Variants in KIF13B observed in about 807,000 individuals in gnomAD.
The protein encoded by KIF13B is kinesin-like protein KIF13B.
A neutral mutation model predicts 222.0 loss-of-function variants in KIF13B; 127 were observed. The observed-to-expected ratio is 0.57, with a 90% CI of 0.50 to 0.66. KIF13B has a LOEUF of 0.66. Among genes scored for constraint, KIF13B ranks in the 30% least tolerant of loss-of-function variants. The pLI is 0.00. For synonymous variants in KIF13B, 976 were observed against 919.0 expected (o/e 1.06, Z -1.12); for missense variants, 2,173 against 2,379.0 (o/e 0.91, Z 1.80).
In KIF13B at chr8:29,124,062, T is replaced by C; in HGVS notation, c.3314A>G (p.Tyr1105Cys). The change falls in exon 27 of 40, where the codon TAC (tyrosine) becomes TGC (cysteine). Residue 1105 changes from tyrosine (Y) to cysteine (C), a missense_variant. This residue lies in a region of KIF13B where 1,480 missense variants were observed against 1,722.8 expected (regional missense o/e 0.86). Transcript: ENST00000524189. ...AAGCTTTTGCAATTGTTGATCCAAG[T>C]ACTCCTGACGTTTTGTTAATGCATT... ...WLNALTKRQE[Y>C]LDQQLQKLVS... 6.2e-7 allele frequency: 1 copy of C among 1,613,128 alleles called. No individual in the cohort carries two copies. Among genetic ancestry groups the C allele is most frequent in the Non-Finnish European group, 8.5e-7 (1 of 1,179,260 alleles).
At position 29,071,907 on chromosome 8, in the gene KIF13B, G is replaced by C; in HGVS notation, c.4931C>G (p.Ser1644Cys). Residue 1644 changes from serine (S) to cysteine (C), a missense_variant, in exon 39 of 40, where the codon TCC becomes TGC. This residue lies in a region of KIF13B where 693 missense variants were observed against 656.2 expected (regional missense o/e 1.06). Transcript: ENST00000524189. This position sits in a 1 kb window ranked among gnomAD's most constrained non-coding sequence, Gnocchi z 4.9. Reference sequence around the variant, plus strand: ...CCGCACCCTCCGGACGCGGAACGGGGAGCCGGGCGCCGGGGCCTCGAGGTC... The same window carrying C: ...CCGCACCCTCCGGACGCGGAACGGGCAGCCGGGCGCCGGGGCCTCGAGGTC... ...RPDLEAPAPG[S>C]PFRVRRVRAS... is the part of the protein sequence containing the mutation. 1 of 1,456,202 alleles carries C rather than the reference G, an allele frequency of 6.9e-7. No individual in the cohort carries two copies. Among genetic ancestry groups the C allele is most frequent in the Non-Finnish European group, 9.0e-7 (1 of 1,116,966 alleles). The allele number at this position is 1,456,202 out of a possible 1,614,324, so 90.2% of individuals were successfully genotyped here.
intron 21 of KIF13B, among the ~76,000 whole-genome samples, chr8:29,135,960 C>A (rs1454251799): frequency 1.2e-4 from 5 of 43,376 alleles, no homozygotes; most frequent in African/African-American, 3.7e-4. Flanking sequence ...ATTACACAAA[C>A]CAGATATTTT....
intron 2 of KIF13B, among the ~76,000 whole-genome samples, chr8:29,216,640 C>T (rs761907553): frequency 6.6e-6 from 1 of 152,062 alleles, no homozygotes; most frequent in Non-Finnish European, 1.5e-5. Flanking sequence ...CAACTATGTT[C>T]TTTCTACTTT....
intron 17 of KIF13B, 96 bp downstream of exon 17, chr8:29,147,296 G>A: frequency 1.2e-6 from 1 of 850,076 alleles, no homozygotes; most frequent in Non-Finnish European, 1.8e-6. Context: ...TCTTTTGTAA[G>A]CACCATCTTA....
At chr8:29,209,973 T>C (rs1814140518) in intron 2 of KIF13B, among the ~76,000 whole-genome samples, 1 of 151,916 alleles carries the variant, frequency 6.6e-6, no homozygotes, top group African/African-American at 2.4e-5. Context: ...GGAGGATCAC[T>C]TGAGACCAGT....
intron 3 of KIF13B, among the ~76,000 whole-genome samples, chr8:29,192,439 T>G (rs1382834128): frequency 1.3e-5 from 2 of 152,174 alleles, no homozygotes; most frequent in Non-Finnish European, 2.9e-5. Flanking sequence ...TGTGTAGAGA[T>G]GGGGTCTCAC....
intron 36 of KIF13B, among the ~76,000 whole-genome samples, chr8:29,097,207 A>T (rs1808571816): frequency 6.6e-6 from 1 of 152,246 alleles, no homozygotes; most frequent in Admixed American, 6.5e-5. Flanking sequence ...TCAAGGTAAG[A>T]GTATTCCCAG....
chr8:29,132,513 C>T, intron 22 of KIF13B, 48 bp from the exon 23 acceptor site: 1 of 1,264,892 alleles, frequency 7.9e-7, no homozygotes, highest in Non-Finnish European at 1.0e-6. Flanking sequence ...TTCTGGTAAT[C>T]TTATGATTGT....
intron 2 of KIF13B, among the ~76,000 whole-genome samples, chr8:29,198,682 G>A (rs558766522): frequency 6.6e-6 from 1 of 152,264 alleles, no homozygotes; most frequent in Non-Finnish European, 1.5e-5. Flanking sequence ...ACCCCACTAT[G>A]GGTATGCACC....
chr8:29,219,842 C>G (rs978039536), intron 2 of KIF13B, among the ~76,000 whole-genome samples: 1 of 152,116 alleles, frequency 6.6e-6, no homozygotes, highest in African/African-American at 2.4e-5. Flanking sequence ...GCAGGCAGAT[C>G]GCTTGAACCC....
At chr8:29,203,890 C>CT (rs1813811578) in intron 2 of KIF13B, among the ~76,000 whole-genome samples, 1 of 38,754 alleles carries the variant, frequency 2.6e-5, no homozygotes, top group Non-Finnish European at 5.1e-5. Context: ...GGAGTTCCGT[C>CT]TCAAAAAAAA....
rs1465599926 is a variant in KIF13B, at chr8:29,069,808, C to T, written c.*696G>A. 4 of 152,282 alleles carry T rather than the reference C, an allele frequency of 2.6e-5. No homozygotes were observed. The highest frequency in any genetic ancestry group is 2.6e-4 in the Admixed American group (4 of 15,292). 9.4% of individuals were successfully genotyped at this position (152,282 alleles called of 1,614,324 possible). On this transcript the variant is annotated 3_prime_UTR_variant, in exon 40 of 40. Transcript: ENST00000524189. The stretch of plus-strand genomic sequence containing the variant: ...GGGAATAAACGGCAAACATAAGAGA[C>T]TTTCCAGGTGTCTAAAGATGCCAAA...
intron 20 of KIF13B, 62 bp from the exon 21 acceptor site, chr8:29,140,253 A>G: frequency 1.3e-6 from 2 of 1,596,994 alleles, no homozygotes; most frequent in East Asian, 2.2e-5. Context: ...CCTTGAGATG[A>G]CCTCTCTTCT....
intron 14 of KIF13B, 39 bp downstream of exon 14, chr8:29,155,685 GAA>G: frequency 6.4e-7 from 1 of 1,564,678 alleles, no homozygotes; most frequent in Non-Finnish European, 8.7e-7. Context: ...TTCTTCCTCT[GAA>G]AAACTCTTGT....
intron 29 of KIF13B, among the ~76,000 whole-genome samples, chr8:29,119,801 A>G (rs183912813): frequency 1.3e-5 from 2 of 152,200 alleles, no homozygotes; most frequent in East Asian, 3.9e-4. Context: ...AAGCAAACAG[A>G]CAGTGGCTGT....
intron 2 of KIF13B, among the ~76,000 whole-genome samples, chr8:29,231,951 A>G (rs1815304178): frequency 6.6e-6 from 1 of 152,124 alleles, no homozygotes; most frequent in Non-Finnish European, 1.5e-5. Context: ...TCATGAAAAA[A>G]TAATTTAAAA....
At chr8:29,088,561 T>C (rs1405895938) in intron 37 of KIF13B, among the ~76,000 whole-genome samples, 5 of 152,180 alleles carry the variant, frequency 3.3e-5, no homozygotes, top group South Asian at 2.1e-4. Flanking sequence ...AAACTTCACA[T>C]TCTAGTGAAG....
rs755524267 is a variant in KIF13B at position 29,070,612 on chromosome 8, G to A, written c.5373C>T (p.Ser1791=). ...LRLGAPEARR[S]ATLSGSATNL... is the part of the protein sequence containing the mutation. ...TGGTGGCGGAGCCCGAGAGGGTGGC[G>A]CTCCGGCGGGCCTCGGGGGCACCCA... Residue 1791 remains serine, a synonymous_variant, in exon 40 of 40, where the codon AGC becomes AGT. Coordinates refer to ENST00000524189, the MANE Select transcript of KIF13B (RefSeq NM_015254.4). The surrounding 1 kb of genome is among the most constrained non-coding windows in gnomAD (Gnocchi z 4.1). 1.5e-5 allele frequency: 24 copies of A among 1,584,330 alleles called. No homozygotes were observed. Among genetic ancestry groups the A allele is most frequent in the Middle Eastern group, 1.7e-4 (1 of 6,024 alleles).
At chr8:29,262,732 G>C (rs1333832968) in intron 1 of KIF13B, among the ~76,000 whole-genome samples, 1 of 151,512 alleles carries the variant, frequency 6.6e-6, no homozygotes, top group Non-Finnish European at 1.5e-5. Flanking sequence ...GCAGGCGGAA[G>C]GGGCAGCGGG....
Sources: allele counts gnomAD v4.1 joint callset (sites outside exome capture counted in the v4.1 genomes callset), GRCh38; gene constraint gnomAD v4.1.1; regional missense constraint gnomAD v4.1.1; non-coding constraint Gnocchi (gnomAD v3.1); transcripts MANE v1.5; gene names NCBI Gene and HGNC (gene_info 2026-07-23, HGNC 2026-07-21).